Variants in SQOR observed in about 807,000 individuals in gnomAD.
SQOR encodes sulfide:quinone oxidoreductase, mitochondrial.
A neutral mutation model predicts 48.6 loss-of-function variants in SQOR; 39 were observed. The observed-to-expected ratio is 0.80, with a 90% CI of 0.62 to 1.05. SQOR has a LOEUF of 1.05. Among genes scored for constraint, SQOR ranks in the 50% least tolerant of loss-of-function variants. The pLI, the probability that SQOR is intolerant of heterozygous loss-of-function variation, is 0.00. For synonymous variants in SQOR, 220 were observed against 206.2 expected (o/e 1.07, Z -0.57); for missense variants, 561 against 559.9 (o/e 1.00, Z -0.02).
chr15:45,658,964 A>T lies in SQOR; in HGVS notation c.41A>T (p.Gln14Leu). The T allele has an allele frequency of 6.3e-7, 1 of 1,582,052 alleles. No homozygotes were observed. Among genetic ancestry groups the T allele is most frequent in the South Asian group, 1.2e-5 (1 of 86,812 alleles). Reference protein sequence around the residue: ...LVAVVSGPRAQLFACLLRLGT... With the variant: ...LVAVVSGPRALLFACLLRLGT... ...GCTGTGGTATCAGGGCCCCGTGCCCAGCTCTTTGCCTGCCTGCTCAGGCTG... is the reference window on the plus strand; with the variant it reads ...GCTGTGGTATCAGGGCCCCGTGCCCTGCTCTTTGCCTGCCTGCTCAGGCTG... Residue 14 changes from glutamine to leucine, a missense_variant, in exon 2 of 10, where the codon CAG (glutamine) becomes CTG (leucine). By Grantham distance (113) the Gln-to-Leu change is moderately radical. Coordinates refer to ENST00000260324, the MANE Select transcript of SQOR (RefSeq NM_021199.4).
chr15:45,680,161 C>T (rs938681391), intron 6 of SQOR, among the ~76,000 whole-genome samples: 4 of 152,174 alleles, frequency 2.6e-5, no homozygotes, highest in African/African-American at 9.7e-5. Flanking sequence ...AACCGTGGCT[C>T]ATGGCTCACT....
chr15:45,674,596 G>C (rs1305667107), intron 5 of SQOR, among the ~76,000 whole-genome samples: 2 of 151,822 alleles, frequency 1.3e-5, no homozygotes, highest in Non-Finnish European at 2.9e-5. Flanking sequence ...CTGTCCCTTG[G>C]GTATACATTA....
At chr15:45,689,661 C>T (rs555240951) in intron 9 of SQOR, among the ~76,000 whole-genome samples, 1 of 152,178 alleles carries the variant, frequency 6.6e-6, no homozygotes, top group East Asian at 1.9e-4. Context: ...CTCAAGTGAT[C>T]CGCCCGCCTC....
intron 1 of SQOR, among the ~76,000 whole-genome samples, chr15:45,649,373 G>A (rs138318291): frequency 9.9e-4 from 150 of 152,130 alleles, no homozygotes; most frequent in African/African-American, 3.4e-3. Context: ...TTAGAATAGA[G>A]GAATTTTAAT....
intron 6 of SQOR, among the ~76,000 whole-genome samples, chr15:45,676,991 A>T (rs913472673): frequency 2.6e-5 from 4 of 150,978 alleles, no homozygotes; most frequent in African/African-American, 9.7e-5. Context: ...CAGTGAGCCG[A>T]GATTGTACCA....
intron 5 of SQOR, chr15:45,674,151 T>C (rs914378268): frequency 4.2e-6 from 1 of 237,112 alleles, no homozygotes; most frequent in Admixed American, 5.2e-5. Context: ...AAAAGTCTAC[T>C]GGATGCTGGG....
chr15:45,678,669 C>T (rs1810495693), intron 6 of SQOR, among the ~76,000 whole-genome samples: 1 of 152,022 alleles, frequency 6.6e-6, no homozygotes, highest in Non-Finnish European at 1.5e-5. Flanking sequence ...TAGTTATGCA[C>T]ACAGAGGCTA....
intron 6 of SQOR, among the ~76,000 whole-genome samples, chr15:45,681,611 A>G (rs1595509281): frequency 6.6e-6 from 1 of 152,276 alleles, no homozygotes; most frequent in East Asian, 1.9e-4. Context: ...CCCTAATGAC[A>G]TGTCGTGAAC....
At chr15:45,675,630 C>T (rs1890022699) in intron 5 of SQOR, among the ~76,000 whole-genome samples, 1 of 152,012 alleles carries the variant, frequency 6.6e-6, no homozygotes, top group African/African-American at 2.4e-5. Flanking sequence ...GAACTCCTGA[C>T]GTCAGGTGAT....
chr15:45,672,464 G>T (rs1889962024), intron 4 of SQOR, among the ~76,000 whole-genome samples: 1 of 152,166 alleles, frequency 6.6e-6, no homozygotes, highest in African/African-American at 2.4e-5. Context: ...TTAACATTGA[G>T]TGTGATAAGT....
chr15:45,650,989 C>A (rs1242736610), intron 1 of SQOR, among the ~76,000 whole-genome samples: 2 of 152,210 alleles, frequency 1.3e-5, no homozygotes, highest in Admixed American at 6.5e-5. Context: ...CGGAGCTGCC[C>A]CCGGGTCCCG....
chr15:45,659,578 T>C (rs1471089075), intron 2 of SQOR, among the ~76,000 whole-genome samples: 1 of 152,148 alleles, frequency 6.6e-6, no homozygotes, highest in East Asian at 1.9e-4. Context: ...CAGCTTCTGG[T>C]GGTTACCCTG....
At position 45,659,037 on chromosome 15, in the gene SQOR, T is replaced by C. The variant is rs1315804210; in HGVS notation, c.114T>C (p.His38=). 3 of 1,600,708 alleles carry C rather than the reference T, an allele frequency of 1.9e-6. No homozygotes were observed. Among genetic ancestry groups the C allele is most frequent in the Non-Finnish European group, 2.6e-6 (3 of 1,174,082 alleles). The change falls in exon 2 of 10, where the codon CAT becomes CAC. Residue 38 remains histidine (H), a synonymous_variant. Coordinates refer to ENST00000260324, the MANE Select transcript of SQOR (RefSeq NM_021199.4). ...GPLQLHTGAS[H]AARNHYEVLV... The stretch of plus-strand genomic sequence containing the variant: ...TTCAGCTGCACACCGGGGCCAGCCA[T>C]GCGGCCAGGAACCATTATGAGGTGC...
intron 1 of SQOR, among the ~76,000 whole-genome samples, chr15:45,652,302 C>G (rs139154526): frequency 9.9e-4 from 150 of 152,110 alleles, no homozygotes; most frequent in African/African-American, 3.5e-3. Flanking sequence ...TCTCTGCTGA[C>G]TTTAGGGTCC....
At chr15:45,678,598 C>G (rs1477624296) in intron 6 of SQOR, among the ~76,000 whole-genome samples, 1 of 151,738 alleles carries the variant, frequency 6.6e-6, no homozygotes, top group African/African-American at 2.4e-5. Context: ...ACAGGTTGTC[C>G]CAGGCTCATC....
chr15:45,645,593 G>A (rs939894175), intron 1 of SQOR, among the ~76,000 whole-genome samples: 1 of 152,228 alleles, frequency 6.6e-6, no homozygotes, highest in African/African-American at 2.4e-5. Flanking sequence ...GCCTGCCTGA[G>A]TGTCTTGGAG....
chr15:45,657,891 T>C (rs1889642090), intron 1 of SQOR, among the ~76,000 whole-genome samples: 1 of 152,040 alleles, frequency 6.6e-6, no homozygotes, highest in African/African-American at 2.4e-5. Flanking sequence ...GACTTGACGG[T>C]AGGATTTGGG....
In SQOR at chr15:45,676,190, G is replaced by C. The variant is rs760025854; in HGVS notation, c.744G>C (p.Glu248Asp). The C allele has an allele frequency of 1.2e-6, 2 of 1,614,034 alleles. No individual in the cohort carries two copies. The highest frequency in any genetic ancestry group is 2.7e-5 in the African/African-American group (2 of 74,900). The change falls in exon 6 of 10, where the codon GAG becomes GAC. Residue 248 changes from glutamate (E) to aspartate (D), a missense_variant. By Grantham distance (45) the Glu-to-Asp change is conservative. Transcript: ENST00000260324. ...GVKKYADALQ[E>D]IIQERNLTVN... ...AGAAGTATGCAGATGCCCTGCAGGA[G>C]ATCATCCAGGAGCGGAACCTCACTG...
intron 1 of SQOR, among the ~76,000 whole-genome samples, chr15:45,637,577 G>A (rs1038468585): frequency 3.3e-5 from 5 of 152,160 alleles, no homozygotes; most frequent in African/African-American, 1.2e-4. Flanking sequence ...TAAATTTGGG[G>A]CTTTTTTTCT....
Sources: gnomAD v4.1 joint callset for allele counts (sites outside exome capture counted in the v4.1 genomes callset) on GRCh38, gnomAD v4.1.1 for gene constraint, MANE v1.5 for transcripts, NCBI Gene and HGNC (gene_info 2026-07-23, HGNC 2026-07-21) for gene names.